Variants in STAU1 observed in about 807,000 individuals in gnomAD.
STAU1 encodes double-stranded RNA-binding protein Staufen homolog 1.
STAU1 carries 13 observed loss-of-function variants against 62.9 expected under a neutral mutation model. The observed-to-expected ratio is 0.21, with a 90% CI of 0.13 to 0.33. STAU1 has a LOEUF of 0.33. Among genes scored for constraint, STAU1 ranks in the 10% least tolerant of loss-of-function variants. The pLI is 1.00. For synonymous variants in STAU1, 269 were observed against 265.1 expected (o/e 1.01, Z -0.14); for missense variants, 571 against 712.1 (o/e 0.80, Z 2.25).
intron 3 of STAU1, among the ~76,000 whole-genome samples, chr20:49,165,373 C>A (rs1018767299): frequency 5.5e-5 from 8 of 145,602 alleles, no homozygotes; most frequent in African/African-American, 2.1e-4. Context: ...CAGTGTCTCC[C>A]TCTTGCCCAG....
chr20:49,175,960 A>G (rs1412032755), intron 1 of STAU1, among the ~76,000 whole-genome samples: 1 of 151,302 alleles, frequency 6.6e-6, no homozygotes, highest in Admixed American at 6.6e-5. Flanking sequence ...TCGCCCGGCT[A>G]ATTTTTTGTA....
chr20:49,122,497 G>A (rs2092486226), intron 8 of STAU1, among the ~76,000 whole-genome samples: 1 of 152,204 alleles, frequency 6.6e-6, no homozygotes, highest in South Asian at 2.1e-4. Context: ...AGTAGTGCTG[G>A]TGTGCAGACA....
At chr20:49,180,653 C>G (rs1013917869) in intron 1 of STAU1, among the ~76,000 whole-genome samples, 2 of 152,184 alleles carry the variant, frequency 1.3e-5, no homozygotes, top group Non-Finnish European at 2.9e-5. Context: ...CACACGATAG[C>G]AGTAATTTAG....
chr20:49,118,271 T>G (rs1400125097), intron 10 of STAU1, 62 bp downstream of exon 10: 17 of 1,495,730 alleles, frequency 1.1e-5, no homozygotes, highest in Non-Finnish European at 1.4e-5. Context: ...CTGCTGTTAT[T>G]CAGGACCCAT....
chr20:49,159,208 T>C (rs916144075), intron 3 of STAU1: 2 of 1,013,888 alleles, frequency 2.0e-6, no homozygotes. Flanking sequence ...TCTAGGACTT[T>C]CCCCATCCGG....
At chr20:49,175,798 C>CCTTT (rs58550746) in intron 1 of STAU1, among the ~76,000 whole-genome samples, 14,799 of 104,654 alleles carry the variant, frequency 0.14, 1,707 homozygotes, top group African/African-American at 0.32. Flanking sequence ...CTCATAATGC[C>CCTTT]TTTTTTTTTT....
At chr20:49,154,851 G>A (rs1234359903) in intron 3 of STAU1, among the ~76,000 whole-genome samples, 20 of 151,698 alleles carry the variant, frequency 1.3e-4, no homozygotes, top group African/African-American at 4.6e-4. Flanking sequence ...TTGGAAGGCC[G>A]AGGCGGGTGG....
rs185173537 is a variant in STAU1 at position 49,114,543 on chromosome 20, A to G, written c.*335T>C. The stretch of plus-strand genomic sequence containing the variant: ...TGCCGTTTCTTCTTTCACACAGGGG[A>G]AAAAAAAGACCAAACACGGAGGTGC... On this transcript the variant is annotated 3_prime_UTR_variant, in exon 14 of 14. Coordinates refer to ENST00000371856, the MANE Select transcript of STAU1 (RefSeq NM_017453.4). The G allele has an allele frequency of 1.4e-3, 406 of 287,916 alleles. 2 individuals carry two copies. The Middle Eastern group carries it at 0.017, about 12-fold the overall frequency. 17.8% of individuals were successfully genotyped at this position (287,916 alleles called of 1,614,324 possible).
intron 3 of STAU1, among the ~76,000 whole-genome samples, chr20:49,154,888 C>G (rs1275687447): frequency 6.6e-6 from 1 of 150,902 alleles, no homozygotes; most frequent in Non-Finnish European, 1.5e-5. Context: ...AGTTCGAGAC[C>G]AGCCTGGCTA....
At chr20:49,153,865 G>A (rs997051335) in intron 4 of STAU1, 68 bp downstream of exon 4, 1 of 1,480,966 alleles carries the variant, frequency 6.8e-7, no homozygotes. Flanking sequence ...TAGAGGTACT[G>A]GTTTATGTAA....
At position 49,113,976 on chromosome 20, in the gene STAU1, GATC is replaced by G. The variant is rs1268917189; in HGVS notation, c.*899_*901del. On this transcript the variant is annotated 3_prime_UTR_variant, in exon 14 of 14. Coordinates refer to ENST00000371856, the MANE Select transcript of STAU1 (RefSeq NM_017453.4). ...AAATGAAATAAAAATGGAACCAAAT[GATC>G]ATCTAAAGTTTAAAATTCCTAAATT... 1.2e-4 allele frequency: 19 copies of G among 152,602 alleles called. 1 individual carries two copies. The highest frequency in any genetic ancestry group is 1.2e-3 in the Admixed American group (19 of 15,274). The allele number at this position is 152,602 out of a possible 1,614,324, so 9.5% of individuals were successfully genotyped here.
At chr20:49,144,947 A>G (rs142237150) in intron 5 of STAU1, among the ~76,000 whole-genome samples, 1 of 152,318 alleles carries the variant, frequency 6.6e-6, no homozygotes, top group East Asian at 1.9e-4. Context: ...TAAGATCCCT[A>G]AGATCCCATC....
At chr20:49,132,965 AGAAAG>A (rs1478543863) in intron 6 of STAU1, among the ~76,000 whole-genome samples, 1 of 152,222 alleles carries the variant, frequency 6.6e-6, no homozygotes, top group Non-Finnish European at 1.5e-5. Flanking sequence ...CAGCGGCAAA[AGAAAG>A]GAAAGACCTT....
At chr20:49,163,869 ATCC>A (rs1284979402) in intron 3 of STAU1, among the ~76,000 whole-genome samples, 1 of 152,058 alleles carries the variant, frequency 6.6e-6, no homozygotes, top group Non-Finnish European at 1.5e-5. Flanking sequence ...GGCTCAAGCA[ATCC>A]TCCTGCCTCA....
At chr20:49,129,150 A>G (rs560705357) in intron 6 of STAU1, among the ~76,000 whole-genome samples, 1 of 152,122 alleles carries the variant, frequency 6.6e-6, no homozygotes. Flanking sequence ...ATAAACCTAT[A>G]TTTCATCAAA....
intron 1 of STAU1, among the ~76,000 whole-genome samples, chr20:49,186,530 G>A (rs2093789539): frequency 6.6e-6 from 1 of 151,954 alleles, no homozygotes; most frequent in Admixed American, 6.6e-5. Flanking sequence ...TAAGATACAG[G>A]AGGATCACTC....
upstream of STAU1, among the ~76,000 whole-genome samples, chr20:49,189,785 A>G (rs1413018466): frequency 2.0e-5 from 3 of 152,120 alleles, no homozygotes; most frequent in Non-Finnish European, 4.4e-5. Context: ...CTATTTAAAA[A>G]TAATTCTCTC....
intron 1 of STAU1, among the ~76,000 whole-genome samples, chr20:49,175,628 C>T (rs1035373844): frequency 2.6e-5 from 4 of 151,212 alleles, no homozygotes; most frequent in Non-Finnish European, 5.9e-5. Flanking sequence ...TACAGGTGCC[C>T]GCTACCACGC....
chr20:49,120,925 G>A (rs976393858), intron 8 of STAU1, among the ~76,000 whole-genome samples: 14 of 152,056 alleles, frequency 9.2e-5, no homozygotes, highest in Admixed American at 4.6e-4. Flanking sequence ...CACCCGAGTA[G>A]CTGGGATTAC....
Sources: allele counts gnomAD v4.1 joint callset (sites outside exome capture counted in the v4.1 genomes callset), GRCh38; gene constraint gnomAD v4.1.1; transcripts MANE v1.5; gene names NCBI Gene and HGNC (gene_info 2026-07-23, HGNC 2026-07-21).